RTCA: variants seen among roughly 807,000 people sequenced by gnomAD.
RTCA encodes RNA 3'-terminal phosphate cyclase.
In RTCA, 37 loss-of-function variants were observed where a neutral mutation model predicts 46.1. That is an observed-to-expected ratio of 0.80 (90% CI 0.62 to 1.06). The LOEUF (loss-of-function observed/expected upper bound fraction) is 1.06, where lower values mean the gene tolerates loss of function less well. Among genes scored for constraint, RTCA ranks in the 50% least tolerant of loss-of-function variants. The pLI is 0.00. For missense variants in RTCA, 435 were observed against 455.5 expected, an observed-to-expected ratio of 0.95 and a Z score of 0.41; for synonymous variants, 164 against 158.3, an observed-to-expected ratio of 1.04 and a Z score of -0.27.
intron 4 of RTCA, among the ~76,000 whole-genome samples, chr1:100,272,745 A>G (rs955822058): frequency 2.6e-5 from 4 of 152,180 alleles, no homozygotes; most frequent in Admixed American, 1.3e-4. Flanking sequence ...CTCCTCACCT[A>G]ATAATTTGAC....
intron 4 of RTCA, among the ~76,000 whole-genome samples, chr1:100,272,201 T>G (rs1666138398): frequency 6.6e-6 from 1 of 152,222 alleles, no homozygotes; most frequent in Admixed American, 6.5e-5. Flanking sequence ...GTTGTTATAA[T>G]AAGCAAATGT....
intron 4 of RTCA, among the ~76,000 whole-genome samples, chr1:100,272,684 G>T (rs538918122): frequency 2.0e-5 from 3 of 152,168 alleles, no homozygotes. Context: ...CTAATAGATG[G>T]TATAATCTTT....
chr1:100,290,002 T>C lies in RTCA; in HGVS notation c.1000-1401T>C, dbSNP rs564155192. On this transcript the variant is annotated intron_variant, in intron 10 of 10. Coordinates refer to ENST00000370128, the MANE Select transcript of RTCA (RefSeq NM_003729.4). ...CATAATGCTTGTAATTTGAAAAATATATAAACGCATGCATATATTACTAAT... is the reference window on the plus strand; with the variant it reads ...CATAATGCTTGTAATTTGAAAAATACATAAACGCATGCATATATTACTAAT... Among the ~76,000 whole-genome samples the C allele has an allele frequency of 3.3e-5, 5 of 152,320 alleles. No homozygotes were observed. The East Asian group carries it at 9.6e-4, about 29-fold the overall frequency.
At chr1:100,276,846 T>G (rs1666416440) in intron 7 of RTCA, among the ~76,000 whole-genome samples, 1 of 152,244 alleles carries the variant, frequency 6.6e-6, no homozygotes, top group South Asian at 2.1e-4. Flanking sequence ...AAGTAAACGC[T>G]TGCTCTACTT....
chr1:100,268,138 A>G lies in RTCA; in HGVS notation c.147-14A>G, dbSNP rs1256804093. The G allele has an allele frequency of 5.6e-6, 9 of 1,613,978 alleles. No individual in the cohort carries two copies. The South Asian group carries it at 6.6e-5, about 12-fold the overall frequency. On this transcript the variant is annotated splice_polypyrimidine_tract_variant and intron_variant, in intron 2 of 10. Coordinates refer to ENST00000370128, the MANE Select transcript of RTCA (RefSeq NM_003729.4). Reference sequence around the variant, plus strand: ...CTGAATGCACACGTTTTGATGCAGTATTATGACCTGAAGGCCTCAACATTT... The same window carrying G: ...CTGAATGCACACGTTTTGATGCAGTGTTATGACCTGAAGGCCTCAACATTT...
chr1:100,286,454 C>CAAAAAA (rs754851046), intron 9 of RTCA, among the ~76,000 whole-genome samples: 2 of 45,336 alleles, frequency 4.4e-5, no homozygotes, highest in Non-Finnish European at 9.0e-5. Context: ...GACTCCGTCT[C>CAAAAAA]AAAAAAAAAA....
Position 100,292,704 on chromosome 1 carries a change from C to G in RTCA, c.*1200C>G, listed in dbSNP as rs541295702. 56 of 152,342 alleles carry G rather than the reference C, an allele frequency of 3.7e-4. No homozygotes were observed. The highest frequency in any genetic ancestry group is 1.2e-3 in the African/African-American group (50 of 41,580). The allele number at this position is 152,342 out of a possible 1,614,324, so 9.4% of individuals were successfully genotyped here. On this transcript the variant is annotated 3_prime_UTR_variant, in exon 11 of 11. Coordinates refer to ENST00000370128, the MANE Select transcript of RTCA (RefSeq NM_003729.4). ...TTAACCCTAGTAGGTTTCGCAGATT[C>G]ATCCCCAGATATGTTTTTGTTTGGC...
intron 7 of RTCA, among the ~76,000 whole-genome samples, 164 bp from the exon 8 acceptor site, chr1:100,277,094 T>C (rs1018176447): frequency 1.3e-5 from 2 of 152,224 alleles, no homozygotes; most frequent in Non-Finnish European, 1.5e-5. Context: ...CTGATTAAGA[T>C]AGACAATGTT....
chr1:100,275,012 A>G (rs751188064), intron 6 of RTCA, 47 bp downstream of exon 6: 2 of 1,497,906 alleles, frequency 1.3e-6, no homozygotes, highest in Non-Finnish European at 1.8e-6. Flanking sequence ...GTGTGTCTTG[A>G]TAAATATTAT....
In RTCA at chr1:100,268,273, A is replaced by T. The variant is rs1464707372; in HGVS notation, c.268A>T (p.Thr90Ser). Reference sequence around the variant, plus strand: ...AGAGAAGATCAAAGGTGGAATCCACACAGCAGATACCAAGACAGCAGGGTA... The same window carrying T: ...AGAGAAGATCAAAGGTGGAATCCACTCAGCAGATACCAAGACAGCAGGGTA... ...TPEKIKGGIH[T>S]ADTKTAGSVC... Residue 90 changes from threonine (T) to serine (S), a missense_variant, in exon 3 of 11, where the codon ACA becomes TCA. Physicochemically the swap from Thr to Ser is moderately conservative, Grantham distance 58 (BLOSUM62 1). Transcript: ENST00000370128. 3.1e-6 allele frequency: 5 copies of T among 1,613,532 alleles called. No homozygotes were observed. Among genetic ancestry groups the T allele is most frequent in the Non-Finnish European group, 3.4e-6 (4 of 1,179,762 alleles).
chr1:100,274,304 T>A (rs1434893750), intron 5 of RTCA, among the ~76,000 whole-genome samples: 1 of 152,222 alleles, frequency 6.6e-6, no homozygotes, highest in Admixed American at 6.5e-5. Context: ...ATGACACCAA[T>A]TAATTGAATT....
intron 10 of RTCA, 123 bp downstream of exon 10, chr1:100,287,326 G>C (rs1457240766): frequency 5.1e-6 from 3 of 586,078 alleles, no homozygotes; most frequent in Non-Finnish European, 8.3e-6. Context: ...TGTGTGACAG[G>C]CACTGAGCTA....
chr1:100,287,015 G>T (rs1237247355), intron 9 of RTCA, 84 bp from the exon 10 acceptor site: 3 of 883,020 alleles, frequency 3.4e-6, no homozygotes, highest in African/African-American at 3.6e-5. Context: ...ATTTCTAGTA[G>T]TATTTTTATT....
At chr1:100,271,735 A>G (rs1022796649) in intron 4 of RTCA, among the ~76,000 whole-genome samples, 9 of 152,196 alleles carry the variant, frequency 5.9e-5, no homozygotes, top group Non-Finnish European at 8.8e-5. Flanking sequence ...TTTAACATGC[A>G]GTTCTGTGAT....
chr1:100,282,597 G>C (rs187553849), intron 8 of RTCA, among the ~76,000 whole-genome samples: 1 of 152,278 alleles, frequency 6.6e-6, no homozygotes, highest in African/African-American at 2.4e-5. Flanking sequence ...TACTTAGCAT[G>C]GTAGATAAAT....
rs774593856 is a variant in RTCA, at chr1:100,268,193, G to A, written c.188G>A (p.Cys63Tyr). 4 of 1,614,190 alleles carry A rather than the reference G, an allele frequency of 2.5e-6. No homozygotes were observed. The South Asian group carries it at 3.3e-5, about 13-fold the overall frequency. Reference protein sequence around the residue: ...LSGLEMIRDLCDGQLEGAEIG... With the variant: ...LSGLEMIRDLYDGQLEGAEIG... ...GGACTGGAAATGATTCGAGATTTGT[G>A]TGATGGGCAACTGGAGGGGGCAGAA... Residue 63 changes from cysteine (C) to tyrosine (Y), a missense_variant, in exon 3 of 11, where the codon TGT (cysteine) becomes TAT (tyrosine). Transcript: ENST00000370128.
chr1:100,283,941 A>G (rs1666875313), intron 8 of RTCA, among the ~76,000 whole-genome samples: 1 of 140,520 alleles, frequency 7.1e-6, no homozygotes, highest in African/African-American at 2.6e-5. Context: ...AAAAGAAAAA[A>G]AAAAAAAAGA....
At chr1:100,281,312 T>C (rs374474735) in intron 8 of RTCA, 12 of 533,666 alleles carry the variant, frequency 2.2e-5, no homozygotes, top group African/African-American at 1.9e-4. Context: ...ACTGAGGCAG[T>C]GTGTTATGAT....
chr1:100,287,625 T>C (rs1487497898), intron 10 of RTCA, among the ~76,000 whole-genome samples: 1 of 152,130 alleles, frequency 6.6e-6, no homozygotes, highest in East Asian at 1.9e-4. Flanking sequence ...ATAAAAAAAT[T>C]TATATAAAAT....
Sources: allele counts gnomAD v4.1 joint callset (sites outside exome capture counted in the v4.1 genomes callset), GRCh38; gene constraint gnomAD v4.1.1; transcripts MANE v1.5; gene names NCBI Gene and HGNC (gene_info 2026-07-23, HGNC 2026-07-21).